The following CSMD1 variants were observed in gnomAD, a reference collection of about 807,000 sequenced individuals.
CSMD1 encodes CUB and Sushi multiple domains 1, also known as CUB and sushi domain-containing protein 1.
Under a neutral mutation model 417.5 loss-of-function variants are expected in CSMD1, and 213 were observed. The ratio of observed to expected loss-of-function variants is 0.51; its 90% CI spans 0.46 to 0.57. CSMD1 has a LOEUF of 0.57. Among genes scored for constraint, CSMD1 ranks in the 20% least tolerant of loss-of-function variants. The pLI, the probability that CSMD1 is intolerant of heterozygous loss-of-function variation, is 0.00. For synonymous variants in CSMD1, 2,862 were observed against 1,736.8 expected (o/e 1.65, Z -16.11); for missense variants, 6,923 against 4,529.7 (o/e 1.53, Z -15.17).
At chr8:3,736,759 G>A (rs1352538124) in intron 6 of CSMD1, among the ~76,000 whole-genome samples, 1 of 152,200 alleles carries the variant, frequency 6.6e-6, no homozygotes, top group African/African-American at 2.4e-5. Context: ...ATCATTAGGT[G>A]TGTCGTTTTG....
chr8:3,297,565 A>G (rs1247658052), intron 25 of CSMD1, among the ~76,000 whole-genome samples: 2 of 152,212 alleles, frequency 1.3e-5, no homozygotes, highest in Non-Finnish European at 2.9e-5. Context: ...CAATAAAGAA[A>G]TAAATCACTT....
intron 10 of CSMD1, among the ~76,000 whole-genome samples, chr8:3,555,099 C>T (rs900628448): frequency 1.3e-5 from 2 of 151,932 alleles, no homozygotes; most frequent in South Asian, 4.1e-4. Context: ...CCGTAGGACC[C>T]GTGACAGGCA....
At chr8:3,434,658 T>C (rs939870038) in intron 12 of CSMD1, among the ~76,000 whole-genome samples, 2 of 152,176 alleles carry the variant, frequency 1.3e-5, no homozygotes, top group Non-Finnish European at 2.9e-5. Context: ...TGATCTGATC[T>C]CTCCACCTTT....
At chr8:3,996,984 T>C (rs1395952203) in intron 5 of CSMD1, among the ~76,000 whole-genome samples, 1 of 152,200 alleles carries the variant, frequency 6.6e-6, no homozygotes. Flanking sequence ...GCCGACATGT[T>C]CACAATCACT....
At chr8:3,320,607 G>A (rs978169554) in intron 23 of CSMD1, among the ~76,000 whole-genome samples, 4 of 152,160 alleles carry the variant, frequency 2.6e-5, no homozygotes, top group African/African-American at 9.7e-5. Flanking sequence ...GAGCCAGGTG[G>A]TCAATTCCAG....
intron 5 of CSMD1, among the ~76,000 whole-genome samples, chr8:3,969,878 A>T (rs2257677): frequency 0.69 from 105,376 of 152,054 alleles, 36,964 homozygotes; most frequent in East Asian, 0.93. Context: ...CAAATTAGAA[A>T]GCAAAGCTCT....
At chr8:3,434,953 G>C (rs1397677735) in intron 12 of CSMD1, among the ~76,000 whole-genome samples, 1 of 152,160 alleles carries the variant, frequency 6.6e-6, no homozygotes, top group Non-Finnish European at 1.5e-5. Flanking sequence ...CCCATGTGCT[G>C]TTCACAGTGG....
intron 21 of CSMD1, among the ~76,000 whole-genome samples, chr8:3,357,250 T>C (rs1585047051): frequency 6.6e-6 from 1 of 152,352 alleles, no homozygotes; most frequent in East Asian, 1.9e-4. Flanking sequence ...AAGGCCCTCC[T>C]GTCCAGTGCG....
intron 12 of CSMD1, among the ~76,000 whole-genome samples, chr8:3,424,218 C>T: frequency 6.6e-6 from 1 of 152,084 alleles, no homozygotes; most frequent in South Asian, 2.1e-4. Flanking sequence ...TCATTTGTAT[C>T]TAAGAGCATA....
chr8:3,332,734 G>T (rs1399545790), intron 23 of CSMD1, among the ~76,000 whole-genome samples: 1 of 152,198 alleles, frequency 6.6e-6, no homozygotes. Context: ...TGAGATGGAA[G>T]GAAAACATTC....
At chr8:3,214,839 G>T in intron 29 of CSMD1, 148 bp from the exon 30 acceptor site, 1 of 491,534 alleles carries the variant, frequency 2.0e-6, no homozygotes, top group Non-Finnish European at 3.5e-6. Context: ...AATATTTATT[G>T]ATTGGCTATT....
intron 3 of CSMD1, among the ~76,000 whole-genome samples, chr8:4,207,737 G>A (rs1370974812): frequency 1.3e-5 from 2 of 151,996 alleles, no homozygotes; most frequent in Non-Finnish European, 2.9e-5. Flanking sequence ...AATAACAGTA[G>A]ATACTGTAAC....
chr8:3,139,775 T>C (rs1818319971), intron 41 of CSMD1, among the ~76,000 whole-genome samples: 1 of 152,158 alleles, frequency 6.6e-6, no homozygotes, highest in Admixed American at 6.5e-5. Context: ...GAAAATTTCA[T>C]GGATAGTAGC....
chr8:3,990,071 G>A (rs990566899), intron 5 of CSMD1, among the ~76,000 whole-genome samples: 12 of 152,182 alleles, frequency 7.9e-5, no homozygotes, highest in Admixed American at 2.0e-4. Context: ...CTAAAATGGA[G>A]TGGGCGCAAT....
intron 6 of CSMD1, among the ~76,000 whole-genome samples, chr8:3,728,394 C>A (rs545172503): frequency 2.6e-5 from 4 of 152,178 alleles, no homozygotes; most frequent in Non-Finnish European, 4.4e-5. Flanking sequence ...TTGGGTATGT[C>A]TTTATCAGCA....
chr8:4,199,713 T>C (rs1264954666), intron 3 of CSMD1, among the ~76,000 whole-genome samples: 1 of 152,160 alleles, frequency 6.6e-6, no homozygotes, highest in Non-Finnish European at 1.5e-5. Flanking sequence ...TCCAGTGCCA[T>C]TTCTCAGGGA....
At chr8:4,090,198 C>T (rs898179132) in intron 3 of CSMD1, among the ~76,000 whole-genome samples, 2 of 152,136 alleles carry the variant, frequency 1.3e-5, no homozygotes, top group Non-Finnish European at 2.9e-5. Context: ...GACTACAGTA[C>T]ATGATTGTCT....
intron 12 of CSMD1, among the ~76,000 whole-genome samples, chr8:3,455,661 C>T (rs927062300): frequency 6.6e-5 from 10 of 152,210 alleles, no homozygotes; most frequent in Non-Finnish European, 1.2e-4. Flanking sequence ...CTGCCTGATC[C>T]TTCCTCTGGA....
chr8:4,708,674 AT>A lies in CSMD1; in HGVS notation c.86-71117del, dbSNP rs11427571. On this transcript the variant is annotated intron_variant, in intron 1 of 69. Coordinates refer to ENST00000635120, the MANE Select transcript of CSMD1 (RefSeq NM_033225.6). ...TATAGACACCATCCTAACCAGATTC[AT>A]TTTTTTTTTTAAGAGAAAGATTTCC... 4.8e-3 allele frequency among the ~76,000 whole-genome samples: 704 copies of A among 147,496 alleles called. 4 individuals are homozygous for A. Among genetic ancestry groups the A allele is most frequent in the African/African-American group, 0.014 (583 of 40,532 alleles).
Sources: gnomAD v4.1 joint callset for allele counts (sites outside exome capture counted in the v4.1 genomes callset) on GRCh38, gnomAD v4.1.1 for gene constraint, MANE v1.5 for transcripts, NCBI Gene and HGNC (gene_info 2026-07-23, HGNC 2026-07-21) for gene names.